NRG3: variants seen among roughly 807,000 people sequenced by gnomAD.
The protein encoded by NRG3 is pro-neuregulin-3, membrane-bound isoform.
A neutral mutation model predicts 66.9 loss-of-function variants in NRG3; 31 were observed. The ratio of observed to expected loss-of-function variants is 0.46; its 90% confidence interval spans 0.35 to 0.63. The LOEUF is 0.63. Among genes scored for constraint, NRG3 ranks in the 20% least tolerant of loss-of-function variants. The pLI is 0.00. For missense variants in NRG3, 910 were observed against 878.9 expected, an observed-to-expected ratio of 1.04 and a Z score of -0.45; for synonymous variants, 393 against 359.4, an observed-to-expected ratio of 1.09 and a Z score of -1.06.
At chr10:82,731,774 CT>C (rs1473133442) in intron 2 of NRG3, among the ~76,000 whole-genome samples, 5 of 152,008 alleles carry the variant, frequency 3.3e-5, no homozygotes, top group African/African-American at 1.2e-4. Flanking sequence ...ATTTTATTTC[CT>C]TTGTCTATAT....
At chr10:82,625,531 T>A (rs1223269508) in intron 2 of NRG3, among the ~76,000 whole-genome samples, 1 of 152,166 alleles carries the variant, frequency 6.6e-6, no homozygotes, top group African/African-American at 2.4e-5. Context: ...GAAGCAATCC[T>A]TCTTAATGTA....
In NRG3 at chr10:82,538,378, A is replaced by G. The variant is rs138598967; in HGVS notation, c.953+179510A>G. 8.4e-3 allele frequency among the ~76,000 whole-genome samples: 1,273 copies of G among 152,314 alleles called. 17 individuals are homozygous for G. Among genetic ancestry groups the G allele is most frequent in the African/African-American group, 0.026 (1,074 of 41,572 alleles). ...TCTGATTGTATTATATCTTGATTACACATTTCAACTAGAAATTTAGTTAAA... is the reference window on the plus strand; with the variant it reads ...TCTGATTGTATTATATCTTGATTACGCATTTCAACTAGAAATTTAGTTAAA... On this transcript the variant is annotated intron_variant, in intron 2 of 8. Coordinates refer to ENST00000372141, the MANE Select transcript of NRG3 (RefSeq NM_001010848.4).
intron 1 of NRG3, among the ~76,000 whole-genome samples, chr10:82,003,868 T>A (rs1193992157): frequency 3.3e-5 from 5 of 151,896 alleles, no homozygotes; most frequent in Non-Finnish European, 7.4e-5. Flanking sequence ...AATGACACCT[T>A]AGAGCTGGGT....
At chr10:82,126,345 G>A (rs1297912552) in intron 1 of NRG3, among the ~76,000 whole-genome samples, 1 of 151,738 alleles carries the variant, frequency 6.6e-6, no homozygotes, top group Non-Finnish European at 1.5e-5. Context: ...CAAACATGTA[G>A]AACAAACTTG....
chr10:82,295,699 G>A (rs895721584), intron 1 of NRG3, among the ~76,000 whole-genome samples: 7 of 152,134 alleles, frequency 4.6e-5, no homozygotes, highest in Non-Finnish European at 1.0e-4. Flanking sequence ...GGAGGATTCA[G>A]TCTGCTATTT....
intron 6 of NRG3, among the ~76,000 whole-genome samples, chr10:82,972,492 T>G (rs1290206250): frequency 6.6e-6 from 1 of 152,190 alleles, no homozygotes; most frequent in African/African-American, 2.4e-5. Flanking sequence ...GGATTCATTT[T>G]TCTTCGGTTA....
At chr10:82,137,757 G>T (rs11192662) in intron 1 of NRG3, among the ~76,000 whole-genome samples, 24,910 of 152,182 alleles carry the variant, frequency 0.16, 2,137 homozygotes, top group East Asian at 0.22. Flanking sequence ...CTCTGTGCCT[G>T]AGGCTCTGCT....
At chr10:82,493,470 T>A (rs1415172665) in intron 2 of NRG3, among the ~76,000 whole-genome samples, 1 of 152,226 alleles carries the variant, frequency 6.6e-6, no homozygotes, top group East Asian at 1.9e-4. Context: ...TTGTTCCTTT[T>A]TATGGCTGCA....
chr10:82,870,087 C>G (rs1289910724), intron 4 of NRG3, among the ~76,000 whole-genome samples: 2 of 146,782 alleles, frequency 1.4e-5, no homozygotes, highest in Non-Finnish European at 3.0e-5. Context: ...CCAGGATGGT[C>G]TCGATCTCCT....
At chr10:82,844,152 T>A (rs2063197549) in intron 3 of NRG3, among the ~76,000 whole-genome samples, 1 of 152,220 alleles carries the variant, frequency 6.6e-6, no homozygotes, top group Non-Finnish European at 1.5e-5. Flanking sequence ...GCAGAAATTA[T>A]AAAAGAAAGC....
intron 1 of NRG3, among the ~76,000 whole-genome samples, chr10:82,295,929 G>A (rs12355324): frequency 0.082 from 12,543 of 152,086 alleles, 698 homozygotes; most frequent in Non-Finnish European, 0.12. Flanking sequence ...CTATTTTAGG[G>A]AGCTTTAAAA....
intron 2 of NRG3, among the ~76,000 whole-genome samples, chr10:82,406,844 A>G (rs1238581238): frequency 1.3e-5 from 2 of 152,110 alleles, no homozygotes; most frequent in East Asian, 3.9e-4. Context: ...CAAAGACAAA[A>G]TTGAATTATT....
chr10:82,942,665 C>T (rs1213511160), intron 4 of NRG3, among the ~76,000 whole-genome samples: 1 of 152,192 alleles, frequency 6.6e-6, no homozygotes, highest in African/African-American at 2.4e-5. Flanking sequence ...CTTGCCCTTG[C>T]CCTGGACTCA....
At chr10:82,356,100 A>C (rs2083763127) in intron 1 of NRG3, among the ~76,000 whole-genome samples, 1 of 152,146 alleles carries the variant, frequency 6.6e-6, no homozygotes, top group Non-Finnish European at 1.5e-5. Flanking sequence ...TGGGTCTCTG[A>C]TCCTCTGTAA....
intron 1 of NRG3, among the ~76,000 whole-genome samples, chr10:82,105,703 A>G (rs567336966): frequency 2.0e-5 from 3 of 152,276 alleles, no homozygotes; most frequent in African/African-American, 7.2e-5. Context: ...GTTTCACATA[A>G]TCTTACAATT....
intron 4 of NRG3, among the ~76,000 whole-genome samples, chr10:82,950,721 G>T (rs922291052): frequency 6.6e-6 from 1 of 152,184 alleles, no homozygotes. Context: ...AGAAACTGCT[G>T]GGTTCTACGG....
At chr10:82,383,922 CT>C (rs1415687477) in intron 2 of NRG3, among the ~76,000 whole-genome samples, 31 of 151,854 alleles carry the variant, frequency 2.0e-4, no homozygotes, top group African/African-American at 7.5e-4. Flanking sequence ...TCTTTTATGT[CT>C]TTTTATTTTT....
At chr10:82,432,510 A>C (rs973842361) in intron 2 of NRG3, among the ~76,000 whole-genome samples, 6 of 151,928 alleles carry the variant, frequency 3.9e-5, no homozygotes, top group Admixed American at 1.3e-4. Context: ...AAAAAAAAAA[A>C]AAAACAGGAT....
chr10:82,794,507 G>A (rs571820566), intron 3 of NRG3, among the ~76,000 whole-genome samples: 1 of 152,190 alleles, frequency 6.6e-6, no homozygotes, highest in African/African-American at 2.4e-5. Context: ...GTTAATAAAA[G>A]CCTAATCTGC....
Sources: gnomAD v4.1 joint callset for allele counts (sites outside exome capture counted in the v4.1 genomes callset) on GRCh38, gnomAD v4.1.1 for gene constraint, MANE v1.5 for transcripts, NCBI Gene and HGNC (gene_info 2026-07-23, HGNC 2026-07-21) for gene names.